Variants in ARHGEF9 observed in about 807,000 individuals in gnomAD.
ARHGEF9 encodes rho guanine nucleotide exchange factor 9.
A neutral mutation model predicts 41.3 loss-of-function variants in ARHGEF9; 2 were observed. The observed-to-expected ratio is 0.05, with a 90% CI of 0.02 to 0.15. ARHGEF9 has a LOEUF of 0.15. Among genes scored for constraint, ARHGEF9 ranks in the 10% least tolerant of loss-of-function variants. ARHGEF9 has a pLI of 1.00. For synonymous variants in ARHGEF9, 160 were observed against 154.4 expected (o/e 1.04, Z -0.27); for missense variants, 225 against 424.7 (o/e 0.53, Z 4.13).
rs1442116829 is a variant in ARHGEF9 at position 63,652,457 on chromosome X, A to T, written c.1321+3037T>A. 2.7e-5 allele frequency among the ~76,000 whole-genome samples: 3 copies of T among 111,722 alleles called. No individual in the cohort carries two copies. The Admixed American group carries it at 2.9e-4, about 11-fold the overall frequency. ...AAATAATCTAGAAATGATTGAAAGT[A>T]TATGGAGGATGTACATAGGTTATAT... On this transcript the variant is annotated intron_variant, in intron 8 of 9. Coordinates refer to ENST00000671741, the MANE Select transcript of ARHGEF9 (RefSeq NM_001353921.2).
At chrX:63,665,748 G>A in intron 7 of ARHGEF9, 138 bp downstream of exon 7, 4 of 827,593 alleles carry the variant, frequency 4.8e-6, no homozygotes, top group Non-Finnish European at 6.9e-6. Context: ...TCCTGATACA[G>A]AATTGCTGCC....
chrX:63,781,305 G>A (rs1238204453), intron 1 of ARHGEF9, among the ~76,000 whole-genome samples: 1 of 111,750 alleles, frequency 8.9e-6, no homozygotes, highest in Non-Finnish European at 1.9e-5. Flanking sequence ...AACAGTAGGT[G>A]TACCACAACA....
Position 63,635,471 on chromosome X carries a change from A to G in ARHGEF9, c.*2557T>C, listed in dbSNP as rs1187743868. ...CTGGGGTTACCATTGCTGTCAGGAC[A>G]TAACAGGTTAGGATACTGAACCCAG... On this transcript the variant is annotated 3_prime_UTR_variant, in exon 10 of 10. Transcript: ENST00000671741. 2.0e-6 allele frequency: 1 copy of G among 508,887 alleles called. No individual in the cohort carries two copies. Among genetic ancestry groups the G allele is most frequent in the Non-Finnish European group, 3.6e-6 (1 of 281,248 alleles). The allele number at this position is 508,887 out of a possible 1,213,427, so 41.9% of individuals were successfully genotyped here.
chrX:63,650,123 T>C (rs1422979347), intron 8 of ARHGEF9, among the ~76,000 whole-genome samples: 8 of 111,078 alleles, frequency 7.2e-5, no homozygotes, highest in African/African-American at 2.6e-4. Context: ...GTAGAAAAGT[T>C]CCTAAAAAAA....
At chrX:63,705,706 A>T (rs782662302) in intron 3 of ARHGEF9, among the ~76,000 whole-genome samples, 1 of 111,508 alleles carries the variant, frequency 9.0e-6, no homozygotes, top group South Asian at 3.8e-4. Flanking sequence ...TCTCCAAGTG[A>T]GAGAGTAGGA....
chrX:63,679,190 G>A (rs2050461097), intron 4 of ARHGEF9, among the ~76,000 whole-genome samples: 2 of 111,299 alleles, frequency 1.8e-5, no homozygotes, highest in South Asian at 7.6e-4. Context: ...TGTACATAAA[G>A]AGAGGGGAAG....
In ARHGEF9 at chrX:63,637,597, C is replaced by A. The variant is rs1382628; in HGVS notation, c.*431G>T. ...AACATCAGTATCATCAGAAAAAAAA[C>A]AATACAAACACATCTATCGTAATAA... On this transcript the variant is annotated 3_prime_UTR_variant, in exon 10 of 10. Coordinates refer to ENST00000671741, the MANE Select transcript of ARHGEF9 (RefSeq NM_001353921.2). 4.4e-3 allele frequency: 957 copies of A among 215,309 alleles called. 2 individuals carry two copies. The highest frequency in any genetic ancestry group is 0.013 in the South Asian group (44 of 3,465). 17.7% of individuals were successfully genotyped at this position (215,309 alleles called of 1,213,427 possible).
intron 4 of ARHGEF9, among the ~76,000 whole-genome samples, chrX:63,682,066 A>G (rs2050656263): frequency 9.1e-6 from 1 of 110,003 alleles, no homozygotes. Context: ...ATAGGACCAG[A>G]TGGCTTCACA....
At chrX:63,704,227 T>C (rs1556398958) in intron 3 of ARHGEF9, among the ~76,000 whole-genome samples, 2 of 112,329 alleles carry the variant, frequency 1.8e-5, no homozygotes, top group African/African-American at 3.2e-5. Context: ...CACTATGACA[T>C]TGTAATATAG....
At chrX:63,746,468 C>A (rs2147751683) in intron 1 of ARHGEF9, among the ~76,000 whole-genome samples, 1 of 111,611 alleles carries the variant, frequency 9.0e-6, no homozygotes, top group South Asian at 3.9e-4. Flanking sequence ...ACTATGCAGG[C>A]TATACCAGAA....
intron 1 of ARHGEF9, among the ~76,000 whole-genome samples, chrX:63,759,366 G>A (rs1439369354): frequency 9.0e-6 from 1 of 110,575 alleles, no homozygotes; most frequent in Non-Finnish European, 1.9e-5. Context: ...TAATCTCTTG[G>A]TCTAGCACAA....
chrX:63,704,662 T>C (rs782324382), intron 3 of ARHGEF9, among the ~76,000 whole-genome samples: 2 of 112,869 alleles, frequency 1.8e-5, no homozygotes, highest in African/African-American at 6.4e-5. Context: ...TGCAATATTC[T>C]ATTTACTTAA....
intron 6 of ARHGEF9, among the ~76,000 whole-genome samples, chrX:63,666,417 T>TATAC (rs1556348368): frequency 4.5e-5 from 4 of 89,402 alleles, no homozygotes; most frequent in Admixed American, 1.3e-4. Flanking sequence ...TATATATATA[T>TATAC]ACACACACAC....
intron 2 of ARHGEF9, among the ~76,000 whole-genome samples, chrX:63,708,406 T>C (rs1231640362): frequency 8.9e-6 from 1 of 111,823 alleles, no homozygotes; most frequent in Non-Finnish European, 1.9e-5. Context: ...ACAATTCTAG[T>C]GGGAATGAAG....
At chrX:63,677,412 T>C in intron 5 of ARHGEF9, among the ~76,000 whole-genome samples, 1 of 112,104 alleles carries the variant, frequency 8.9e-6, no homozygotes, top group African/African-American at 3.2e-5. Flanking sequence ...ATTTCAGCCC[T>C]ACCTATCTGA....
At chrX:63,748,768 T>C (rs2055430376) in intron 1 of ARHGEF9, among the ~76,000 whole-genome samples, 1 of 111,962 alleles carries the variant, frequency 8.9e-6, no homozygotes, top group Non-Finnish European at 1.9e-5. Flanking sequence ...AAAAAAAGCT[T>C]CCCAAGTGAT....
intron 1 of ARHGEF9, chrX:63,767,262 T>C (rs1186401648): frequency 3.5e-6 from 2 of 573,709 alleles, no homozygotes; most frequent in Non-Finnish European, 3.0e-6. Flanking sequence ...CACTTGCTAC[T>C]GGAGAGGATG....
intron 1 of ARHGEF9, among the ~76,000 whole-genome samples, chrX:63,776,665 G>A (rs1399456955): frequency 1.8e-5 from 2 of 111,698 alleles, no homozygotes; most frequent in African/African-American, 6.5e-5. Flanking sequence ...GAAGCAACAT[G>A]AGCACTGTGC....
At chrX:63,646,870 T>C (rs1165977574) in intron 8 of ARHGEF9, among the ~76,000 whole-genome samples, 1 of 110,839 alleles carries the variant, frequency 9.0e-6, no homozygotes, top group African/African-American at 3.3e-5. Flanking sequence ...GAGCATGGAA[T>C]GTTCTTCCAC....
Sources: gnomAD v4.1 joint callset for allele counts (sites outside exome capture counted in the v4.1 genomes callset) on GRCh38, gnomAD v4.1.1 for gene constraint, MANE v1.5 for transcripts, NCBI Gene and HGNC (gene_info 2026-07-23, HGNC 2026-07-21) for gene names.